The following FHIT variants were observed in gnomAD, a reference collection of about 807,000 sequenced individuals.
FHIT encodes the protein fragile histidine triad diadenosine triphosphatase.
In FHIT, 19 loss-of-function variants were observed where a neutral mutation model predicts 17.9. The ratio of observed to expected loss-of-function variants is 1.06; its 90% CI spans 0.74 to 1.56. The LOEUF (loss-of-function observed/expected upper bound fraction) is 1.56, where lower values mean the gene tolerates loss of function less well. Ranked by LOEUF, FHIT falls within the 40% of genes most tolerant of loss-of-function variation. The probability of loss-of-function intolerance (pLI) is 0.00; values close to 1 mark genes in which losing one functional copy is unlikely to be tolerated. For synonymous variants in FHIT, 81 were observed against 69.7 expected, an observed-to-expected ratio of 1.16 and a Z score of -0.81; for missense variants, 248 against 189.2, an observed-to-expected ratio of 1.31 and a Z score of -1.82.
intron 2 of FHIT, among the ~76,000 whole-genome samples, chr3:61,115,927 T>A (rs1201777891): frequency 6.6e-6 from 1 of 152,208 alleles, no homozygotes; most frequent in East Asian, 1.9e-4. Context: ...CAGATGACTC[T>A]GAACCTCAAA....
rs528318444 is a variant in FHIT at position 59,814,648 on chromosome 3, C to G, written c.349-62327G>C. 6.6e-5 allele frequency among the ~76,000 whole-genome samples: 10 copies of G among 152,276 alleles called. No individual in the cohort carries two copies. The East Asian group carries it at 1.4e-3, about 21-fold the overall frequency. On this transcript the variant is annotated intron_variant, in intron 8 of 9. Transcript: ENST00000492590. ...ACATAGGTCCTATTTCTTTCCTAGG[C>G]CACACAGCTTTTAAACATAATATTT...
At chr3:60,878,504 A>G (rs1468904632) in intron 3 of FHIT, among the ~76,000 whole-genome samples, 6 of 151,732 alleles carry the variant, frequency 4.0e-5, no homozygotes, top group African/African-American at 1.5e-4. Flanking sequence ...TTTTTTTTTA[A>G]TTATACTTTA....
intron 2 of FHIT, among the ~76,000 whole-genome samples, chr3:61,135,750 AT>A (rs2106973727): frequency 6.6e-6 from 1 of 152,340 alleles, no homozygotes; most frequent in South Asian, 2.1e-4. Context: ...ATTTATTTAA[AT>A]TTTAAAAAAT....
Position 60,618,544 on chromosome 3 carries a change from C to T in FHIT, c.-17-81565G>A, listed in dbSNP as rs544327261. Among the ~76,000 whole-genome samples the T allele has an allele frequency of 1.4e-3, 214 of 152,256 alleles. 1 individual carries two copies. The highest frequency in any genetic ancestry group is 1.2e-3 in the African/African-American group (49 of 41,550). On this transcript the variant is annotated intron_variant, in intron 4 of 9. Coordinates refer to ENST00000492590, the MANE Select transcript of FHIT (RefSeq NM_002012.4). ...TGAGAACATGTGGTGCTTGGTTTTC[C>T]GTTCCTGCGTTAATTTGCTGAGGGC... is the stretch of plus-strand genomic sequence containing the variant.
chr3:60,557,255 G>T (rs976280605), intron 4 of FHIT, among the ~76,000 whole-genome samples: 3 of 152,134 alleles, frequency 2.0e-5, no homozygotes, highest in East Asian at 1.9e-4. Flanking sequence ...TTGTACCCAG[G>T]TATGTGACAC....
At chr3:60,484,964 A>G (rs2033772698) in intron 5 of FHIT, among the ~76,000 whole-genome samples, 1 of 152,028 alleles carries the variant, frequency 6.6e-6, no homozygotes, top group African/African-American at 2.4e-5. Context: ...TTACAAGAAA[A>G]AAACAACCCC....
At chr3:59,994,627 C>T (rs1699428769) in intron 7 of FHIT, among the ~76,000 whole-genome samples, 3 of 152,188 alleles carry the variant, frequency 2.0e-5, no homozygotes, top group South Asian at 4.2e-4. Flanking sequence ...ACATTCAAAA[C>T]AAATCCCAGG....
intron 8 of FHIT, among the ~76,000 whole-genome samples, chr3:59,900,842 G>C (rs1350969712): frequency 1.3e-5 from 2 of 152,008 alleles, no homozygotes; most frequent in African/African-American, 4.8e-5. Context: ...TCGAACTCCT[G>C]ACCTCAAAGG....
chr3:60,551,219 A>G (rs867002658), intron 4 of FHIT, among the ~76,000 whole-genome samples: 3 of 151,890 alleles, frequency 2.0e-5, no homozygotes, highest in Admixed American at 6.6e-5. Flanking sequence ...AGATCATACA[A>G]GGTCTTGTGT....
intron 5 of FHIT, among the ~76,000 whole-genome samples, chr3:60,503,090 G>C (rs2034587318): frequency 6.6e-6 from 1 of 152,158 alleles, no homozygotes; most frequent in African/African-American, 2.4e-5. Flanking sequence ...CATGTGATCA[G>C]TTCTAGGTTC....
intron 5 of FHIT, among the ~76,000 whole-genome samples, chr3:60,103,449 A>C (rs558321444): frequency 1.3e-5 from 2 of 152,220 alleles, no homozygotes; most frequent in Non-Finnish European, 2.9e-5. Flanking sequence ...AAAAACAAAC[A>C]AACACCACGA....
At chr3:61,018,527 T>A (rs6786392) in intron 3 of FHIT, among the ~76,000 whole-genome samples, 4 of 152,260 alleles carry the variant, frequency 2.6e-5, no homozygotes, top group African/African-American at 9.6e-5. Context: ...CAAAACTCTC[T>A]GTAGTTCTCA....
chr3:60,114,489 C>CTTTTTTTTTTTTTTTTTTTTT (rs1576129465), intron 5 of FHIT, among the ~76,000 whole-genome samples: 2 of 61,602 alleles, frequency 3.2e-5, no homozygotes, highest in Non-Finnish European at 5.8e-5. Flanking sequence ...AAGAGAAATC[C>CTTTTTTTTTTTTTTTTTTTTT]TTTTTTTTTT....
intron 5 of FHIT, among the ~76,000 whole-genome samples, chr3:60,100,795 A>G (rs1704159861): frequency 6.6e-6 from 1 of 152,126 alleles, no homozygotes; most frequent in African/African-American, 2.4e-5. Context: ...ACACACCATC[A>G]TCTATGTCAA....
At chr3:60,762,124 T>C (rs1699678085) in intron 4 of FHIT, among the ~76,000 whole-genome samples, 1 of 152,178 alleles carries the variant, frequency 6.6e-6, no homozygotes, top group African/African-American at 2.4e-5. Flanking sequence ...AAAACATAAA[T>C]GATGTAGCAT....
chr3:60,511,896 T>C (rs993975222), intron 5 of FHIT, among the ~76,000 whole-genome samples: 6 of 152,052 alleles, frequency 3.9e-5, no homozygotes, highest in Admixed American at 3.3e-4. Context: ...TTAATCAAAA[T>C]GATATAATAA....
intron 3 of FHIT, among the ~76,000 whole-genome samples, chr3:60,887,284 G>A (rs1553759477): frequency 6.6e-6 from 1 of 152,028 alleles, no homozygotes; most frequent in African/African-American, 2.4e-5. Context: ...CTTTTGTTTT[G>A]TTTTGTTTTT....
At chr3:61,088,811 T>A (rs2035385770) in intron 2 of FHIT, among the ~76,000 whole-genome samples, 1 of 152,088 alleles carries the variant, frequency 6.6e-6, no homozygotes, top group African/African-American at 2.4e-5. Flanking sequence ...TACTTGAACA[T>A]TATCTTATGC....
At chr3:59,975,146 T>A (rs1708353214) in intron 7 of FHIT, among the ~76,000 whole-genome samples, 1 of 152,154 alleles carries the variant, frequency 6.6e-6, no homozygotes, top group African/African-American at 2.4e-5. Context: ...TACAGGGGAT[T>A]CTCTCTGAGA....
Sources: gnomAD v4.1 joint callset for allele counts (sites outside exome capture counted in the v4.1 genomes callset) on GRCh38, gnomAD v4.1.1 for gene constraint, MANE v1.5 for transcripts, NCBI Gene and HGNC (gene_info 2026-07-23, HGNC 2026-07-21) for gene names.